The following COG7 variants were observed in gnomAD, a reference collection of about 807,000 sequenced individuals.
COG7 encodes the protein conserved oligomeric Golgi complex subunit 7.
A neutral mutation model predicts 91.5 loss-of-function variants in COG7; 49 were observed. That is an observed-to-expected ratio of 0.54 (90% CI 0.43 to 0.68). The LOEUF (loss-of-function observed/expected upper bound fraction) is 0.68. COG7 is among the 30% of genes least tolerant of loss of function. The probability of loss-of-function intolerance (pLI) is 0.00; values close to 1 mark genes in which losing one functional copy is unlikely to be tolerated. For missense variants in COG7, 895 were observed against 961.3 expected (o/e 0.93, Z 0.91); for synonymous variants, 365 against 388.7 (o/e 0.94, Z 0.72).
intron 4 of COG7, among the ~76,000 whole-genome samples, chr16:23,438,435 G>A (rs1248572508): frequency 1.3e-5 from 2 of 152,160 alleles, no homozygotes; most frequent in African/African-American, 2.4e-5. Context: ...GTGCACACCT[G>A]TAGTCCCAGC....
At position 23,413,438 on chromosome 16, in the gene COG7, C is replaced by A. The variant is rs1043288236; in HGVS notation, c.1409+10G>T. 1.5e-6 allele frequency: 2 copies of A among 1,322,838 alleles called. No individual in the cohort carries two copies. The highest frequency in any genetic ancestry group is 2.2e-6 in the Non-Finnish European group (2 of 914,020). The allele number at this position is 1,322,838 out of a possible 1,614,324, so 81.9% of individuals were successfully genotyped here. A position where few individuals can be genotyped will look rare whatever the true frequency, so the allele number is the denominator to read the frequency against. The stretch of plus-strand genomic sequence containing the variant: ...TTAGGAACAAGCTTGAATTACAACC[C>A]CCGGTTTACCTAATGGAGTTCTGAA... On this transcript the variant is annotated intron_variant, in intron 10 of 16. Transcript: ENST00000307149.
chr16:23,417,823 C>T (rs1963681561), intron 8 of COG7, among the ~76,000 whole-genome samples: 1 of 152,232 alleles, frequency 6.6e-6, no homozygotes, highest in Middle Eastern at 3.4e-3. Flanking sequence ...ATGCTTCCTT[C>T]CTTCAGGTGC....
At chr16:23,391,740 C>G (rs1963199492) in intron 16 of COG7, 1 of 162,224 alleles carries the variant, frequency 6.2e-6, no homozygotes, top group Admixed American at 5.6e-5. Flanking sequence ...TGGGGAGACT[C>G]CCTGCCACCT....
At chr16:23,389,181 A>C (rs1428546448) in intron 16 of COG7, 95 bp from the exon 17 acceptor site, 6 of 1,434,562 alleles carry the variant, frequency 4.2e-6, no homozygotes, top group Admixed American at 3.9e-5. Context: ...GACACAGAGA[A>C]GCTGCCCTGC....
chr16:23,425,993 C>G (rs911982491), intron 6 of COG7, among the ~76,000 whole-genome samples: 2 of 151,818 alleles, frequency 1.3e-5, no homozygotes, highest in Admixed American at 1.3e-4. Flanking sequence ...GTAGGTGGAT[C>G]ACTTGAGGTC....
chr16:23,413,600 C>A (rs1377762126), intron 9 of COG7, 36 bp from the exon 10 acceptor site: 3 of 1,067,502 alleles, frequency 2.8e-6, no homozygotes, highest in Non-Finnish European at 4.4e-6. Context: ...AGGGAGGTCA[C>A]CACTGATTCC....
At chr16:23,413,843 G>T in intron 9 of COG7, 1 of 379,736 alleles carries the variant, frequency 2.6e-6, no homozygotes, top group Non-Finnish European at 5.0e-6. Flanking sequence ...GAGCAACCAG[G>T]TGAGAGATGA....
chr16:23,433,819 GAAA>G, intron 5 of COG7, 152 bp from the exon 6 acceptor site: 10 of 593,618 alleles, frequency 1.7e-5, no homozygotes, highest in Non-Finnish European at 2.3e-5. Flanking sequence ...AGAAAGGCAG[GAAA>G]AAAAAAAAAA....
intron 6 of COG7, among the ~76,000 whole-genome samples, chr16:23,427,367 C>T (rs879764565): frequency 3.4e-5 from 5 of 146,162 alleles, no homozygotes; most frequent in Non-Finnish European, 3.0e-5. Context: ...CCCAGCTACT[C>T]GGGAGGCTGA....
chr16:23,392,838 G>A (rs1028482537), intron 15 of COG7, among the ~76,000 whole-genome samples: 1 of 152,190 alleles, frequency 6.6e-6, no homozygotes, highest in African/African-American at 2.4e-5. Flanking sequence ...GGCTGAGGCA[G>A]GAGAATTGCT....
chr16:23,397,738 A>G (rs920884296), intron 14 of COG7, among the ~76,000 whole-genome samples: 1 of 152,246 alleles, frequency 6.6e-6, no homozygotes, highest in Non-Finnish European at 1.5e-5. Context: ...AGAATTGGCC[A>G]TCTGCCTCCT....
At chr16:23,397,021 C>A (rs1318917175) in intron 14 of COG7, among the ~76,000 whole-genome samples, 1 of 152,144 alleles carries the variant, frequency 6.6e-6, no homozygotes, top group Non-Finnish European at 1.5e-5. Context: ...GCGATTCTCC[C>A]ACCTCAGCAC....
At chr16:23,451,230 C>G (rs1964260615) in intron 1 of COG7, among the ~76,000 whole-genome samples, 1 of 152,124 alleles carries the variant, frequency 6.6e-6, no homozygotes, top group Admixed American at 6.6e-5. Context: ...GGGAACATCT[C>G]TTGGACTATC....
chr16:23,419,642 G>A (rs1180164039), intron 7 of COG7, among the ~76,000 whole-genome samples: 7 of 150,290 alleles, frequency 4.7e-5, no homozygotes, highest in South Asian at 4.2e-4. Flanking sequence ...CCTGCTACTC[G>A]GGAGGCTGAG....
intron 16 of COG7, among the ~76,000 whole-genome samples, chr16:23,391,413 G>A (rs531311670): frequency 2.0e-5 from 3 of 152,200 alleles, no homozygotes; most frequent in Non-Finnish European, 4.4e-5. Context: ...AAGGCTGCCT[G>A]TTCCTCTGGT....
At chr16:23,418,858 T>C (rs1024636972) in intron 7 of COG7, 31 bp from the exon 8 acceptor site, 4 of 1,607,126 alleles carry the variant, frequency 2.5e-6, no homozygotes, top group Non-Finnish European at 3.4e-6. Context: ...AAAACGATAA[T>C]GAACAAAGAA....
rs1179095193 is a variant in COG7 at position 23,452,779 on chromosome 16, G to A, written c.169+47C>T. 5.7e-6 allele frequency: 9 copies of A among 1,577,012 alleles called. No individual in the cohort carries two copies. The East Asian group carries it at 1.6e-4, about 29-fold the overall frequency. ...ACGCAAGTTCGGTGACCTCTGCCCAGCCGAGAGCAGGGGAGGGTCCCGCGG... is the reference window on the plus strand; with the variant it reads ...ACGCAAGTTCGGTGACCTCTGCCCAACCGAGAGCAGGGGAGGGTCCCGCGG... On this transcript the variant is annotated intron_variant, in intron 1 of 16. Coordinates refer to ENST00000307149, the MANE Select transcript of COG7 (RefSeq NM_153603.4).
At chr16:23,445,685 C>G in intron 2 of COG7, 128 bp downstream of exon 2, 1 of 941,774 alleles carries the variant, frequency 1.1e-6, no homozygotes, top group South Asian at 1.3e-5. Context: ...AGCTGGAGTG[C>G]TGGGCAGAAT....
chr16:23,406,438 C>T (rs1311860952), intron 11 of COG7, among the ~76,000 whole-genome samples, 176 bp from the exon 12 acceptor site: 6 of 152,088 alleles, frequency 3.9e-5, no homozygotes, highest in Non-Finnish European at 5.9e-5. Flanking sequence ...GTGAGCTGGA[C>T]CTCAGGTGCA....
Sources: allele counts gnomAD v4.1 joint callset (sites outside exome capture counted in the v4.1 genomes callset), GRCh38; gene constraint gnomAD v4.1.1; transcripts MANE v1.5; gene names NCBI Gene and HGNC (gene_info 2026-07-23, HGNC 2026-07-21).